The following FRAS1 variants were observed in gnomAD, a reference collection of about 807,000 sequenced individuals.
FRAS1 encodes Fraser extracellular matrix complex subunit 1, also known as extracellular matrix organizing protein FRAS1.
In FRAS1, 290 loss-of-function variants were observed where a neutral mutation model predicts 435.2. That is an observed-to-expected ratio of 0.67 (90% CI 0.61 to 0.73). FRAS1 has a LOEUF of 0.73. FRAS1 is among the 30% of genes least tolerant of loss of function. The pLI is 0.00. For synonymous variants in FRAS1, 1,800 were observed against 1,851.0 expected (o/e 0.97, Z 0.71); for missense variants, 4,860 against 5,001.5 (o/e 0.97, Z 0.85).
intron 20 of FRAS1, among the ~76,000 whole-genome samples, chr4:78,361,983 G>A (rs1731088845): frequency 6.6e-6 from 1 of 152,138 alleles, no homozygotes; most frequent in African/African-American, 2.4e-5. Context: ...CCACTTGAAA[G>A]CAGGAAGTTT....
intron 32 of FRAS1, 125 bp from the exon 33 acceptor site, chr4:78,418,824 A>T: frequency 1.7e-6 from 1 of 580,970 alleles, no homozygotes; most frequent in East Asian, 3.0e-5. Flanking sequence ...AACTCTCGAA[A>T]ATTTGACTAA....
chr4:78,309,279 T>C (rs548892808), intron 15 of FRAS1, among the ~76,000 whole-genome samples: 14 of 152,208 alleles, frequency 9.2e-5, no homozygotes, highest in Non-Finnish European at 2.1e-4. Flanking sequence ...TCTAGAACTA[T>C]AAGATGATAA....
chr4:78,479,544 C>A lies in FRAS1; in HGVS notation c.8269C>A (p.Leu2757Ile). Residue 2757 changes from leucine (L) to isoleucine (I), a missense_variant, in exon 56 of 74, where the codon CTT becomes ATT. Coordinates refer to ENST00000512123, the MANE Select transcript of FRAS1 (RefSeq NM_025074.7). ...GVTMSTCDVMLIDDSEYEEEE... is the reference protein window; with the variant it reads ...GVTMSTCDVMIIDDSEYEEEE... ...GACCATGTCCACCTGTGATGTCATG[C>A]TTATTGATGACAGCGAGTATGAAGA... The A allele has an allele frequency of 6.2e-7, 1 of 1,613,932 alleles. No homozygotes were observed. Among genetic ancestry groups the A allele is most frequent in the South Asian group, 1.1e-5 (1 of 91,068 alleles).
chr4:78,180,500 A>T (rs1050084983), intron 2 of FRAS1, among the ~76,000 whole-genome samples: 4 of 152,188 alleles, frequency 2.6e-5, no homozygotes, highest in African/African-American at 9.7e-5. Flanking sequence ...ATCCTTAATT[A>T]AAAAACACAA....
chr4:78,213,340 T>G (rs1723600075), intron 2 of FRAS1, among the ~76,000 whole-genome samples: 1 of 152,274 alleles, frequency 6.6e-6, no homozygotes, highest in South Asian at 2.1e-4. Flanking sequence ...CTGTCGTTCC[T>G]TCAAGTGCTT....
chr4:78,445,807 A>T, intron 42 of FRAS1, 95 bp downstream of exon 42: 4 of 1,458,514 alleles, frequency 2.7e-6, no homozygotes, highest in African/African-American at 1.4e-5. Context: ...AGCAAAGAAG[A>T]TTGGATTTGA....
intron 2 of FRAS1, among the ~76,000 whole-genome samples, chr4:78,216,880 G>C (rs971577272): frequency 6.6e-6 from 1 of 152,156 alleles, no homozygotes; most frequent in African/African-American, 2.4e-5. Flanking sequence ...GGCCACAGGA[G>C]AGTATTTTCA....
chr4:78,447,980 TCAGA>T (rs1016778406), intron 43 of FRAS1, 69 bp from the exon 44 acceptor site: 1 of 1,366,150 alleles, frequency 7.3e-7, no homozygotes, highest in African/African-American at 1.5e-5. Flanking sequence ...CTTGGAAAAA[TCAGA>T]CAATGTTTTG....
At chr4:78,358,762 C>A (rs1376194780) in intron 20 of FRAS1, among the ~76,000 whole-genome samples, 1 of 152,056 alleles carries the variant, frequency 6.6e-6, no homozygotes, top group African/African-American at 2.4e-5. Context: ...AAAATGGAGA[C>A]AAATTATAAG....
chr4:78,364,978 C>T (rs1005863696), intron 22 of FRAS1, among the ~76,000 whole-genome samples: 1 of 152,094 alleles, frequency 6.6e-6, no homozygotes, highest in East Asian at 1.9e-4. Context: ...CACTAGGCCT[C>T]AGTTTCTTTT....
chr4:78,375,336 C>G (rs2110312854), intron 25 of FRAS1, among the ~76,000 whole-genome samples: 1 of 152,282 alleles, frequency 6.6e-6, no homozygotes, highest in African/African-American at 2.4e-5. Flanking sequence ...GCACTAGGTG[C>G]TATTAATGTT....
chr4:78,278,882 C>G, intron 10 of FRAS1, 138 bp downstream of exon 10: 1 of 617,604 alleles, frequency 1.6e-6, no homozygotes, highest in Non-Finnish European at 2.9e-6. Flanking sequence ...ACAACAGGCT[C>G]TGGGGACACA....
At chr4:78,150,607 G>A (rs943081037) in intron 2 of FRAS1, among the ~76,000 whole-genome samples, 5 of 152,148 alleles carry the variant, frequency 3.3e-5, no homozygotes, top group African/African-American at 9.7e-5. Context: ...CTAAATCAAA[G>A]GGCAGCCTGT....
At chr4:78,514,886 G>C (rs1408757980) in intron 65 of FRAS1, among the ~76,000 whole-genome samples, 1 of 151,974 alleles carries the variant, frequency 6.6e-6, no homozygotes, top group African/African-American at 2.4e-5. Flanking sequence ...GGGGAACACA[G>C]TGAAACCCCA....
chr4:78,519,462 C>T lies in FRAS1; in HGVS notation c.10521C>T (p.Asp3507=), dbSNP rs749780423. The T allele has an allele frequency of 1.2e-6, 2 of 1,610,972 alleles. No individual in the cohort carries two copies. The highest frequency in any genetic ancestry group is 2.2e-5 in the South Asian group (2 of 90,548). ...HTEMEFSFFY[D]TVLWRTGIQT... ...AGATGGAGTTTTCTTTCTTCTATGA[C>T]ACTGTTCTCTGGAGAACAGGTATGC... The change falls in exon 67 of 74, where the codon GAC becomes GAT. Residue 3507 remains aspartate, a synonymous_variant. Coordinates refer to ENST00000512123, the MANE Select transcript of FRAS1 (RefSeq NM_025074.7).
chr4:78,315,388 A>G (rs1030065767), intron 15 of FRAS1, among the ~76,000 whole-genome samples: 1 of 152,196 alleles, frequency 6.6e-6, no homozygotes, highest in African/African-American at 2.4e-5. Context: ...TAGTTCAATG[A>G]GTAATTCTTC....
chr4:78,462,557 G>C (rs1162344418), intron 47 of FRAS1, among the ~76,000 whole-genome samples: 4 of 152,158 alleles, frequency 2.6e-5, no homozygotes, highest in African/African-American at 9.7e-5. Flanking sequence ...AGTGAATTAG[G>C]TGACCAGTTG....
intron 65 of FRAS1, 105 bp downstream of exon 65, chr4:78,513,657 G>C: frequency 9.7e-7 from 1 of 1,033,402 alleles, no homozygotes; most frequent in Non-Finnish European, 1.5e-6. Context: ...CTGGTCCTCA[G>C]AATCCACATA....
rs368657359 is a variant in FRAS1, at chr4:78,439,049, T to C, written c.5514T>C (p.Phe1838=). 6.2e-7 allele frequency: 1 copy of C among 1,613,148 alleles called. No individual in the cohort carries two copies. Among genetic ancestry groups the C allele is most frequent in the Non-Finnish European group, 8.5e-7 (1 of 1,179,628 alleles). The change falls in exon 40 of 74, where the codon TTT becomes TTC. Residue 1838 remains phenylalanine, a synonymous_variant. Coordinates refer to ENST00000512123, the MANE Select transcript of FRAS1 (RefSeq NM_025074.7). The part of the protein sequence containing the change: ...PAENPPPVIA[F]ADLITVDEGG... ...AAAATCCACCTCCAGTCATTGCTTT[T>C]GCTGACCTTATCACGGTAAACAATT... is the stretch of plus-strand genomic sequence containing the variant.
Sources: gnomAD v4.1 joint callset for allele counts (sites outside exome capture counted in the v4.1 genomes callset) on GRCh38, gnomAD v4.1.1 for gene constraint, MANE v1.5 for transcripts, NCBI Gene and HGNC (gene_info 2026-07-23, HGNC 2026-07-21) for gene names.